TNR: variants seen among roughly 807,000 people sequenced by gnomAD.
TNR encodes tenascin R.
In TNR, 45 loss-of-function variants were observed where a neutral mutation model predicts 150.4. The ratio of observed to expected loss-of-function variants is 0.30; its 90% CI spans 0.24 to 0.38. TNR has a LOEUF of 0.38. Among genes scored for constraint, TNR ranks in the 10% least tolerant of loss-of-function variants. The pLI, the probability that TNR is intolerant of heterozygous loss-of-function variation, is 1.00. For synonymous variants in TNR, 687 were observed against 678.4 expected (o/e 1.01, Z -0.20); for missense variants, 1,544 against 1,759.1 (o/e 0.88, Z 2.19).
chr1:175,720,293 A>T (rs540672942), intron 1 of TNR, among the ~76,000 whole-genome samples: 28 of 152,186 alleles, frequency 1.8e-4, no homozygotes, highest in Non-Finnish European at 3.7e-4. Context: ...GTGAGGATAC[A>T]CTGACAAGTT....
At chr1:175,395,066 A>ATTT (rs1553214123) in intron 5 of TNR, among the ~76,000 whole-genome samples, 25 of 141,948 alleles carry the variant, frequency 1.8e-4, no homozygotes, top group East Asian at 8.4e-4. Context: ...TTTTTTTTTA[A>ATTT]AAAAAGGTCA....
intron 2 of TNR, among the ~76,000 whole-genome samples, chr1:175,462,380 T>C (rs1319935578): frequency 2.6e-5 from 4 of 152,226 alleles, no homozygotes; most frequent in African/African-American, 9.6e-5. Context: ...TTCTTGTGTG[T>C]ACCGAAAACA....
chr1:175,346,611 A>T (rs1302239888), intron 18 of TNR, among the ~76,000 whole-genome samples: 1 of 152,186 alleles, frequency 6.6e-6, no homozygotes, highest in African/African-American at 2.4e-5. Context: ...TGCAGTAGAG[A>T]TAATAAAACA....
intron 1 of TNR, among the ~76,000 whole-genome samples, chr1:175,690,728 C>T (rs1666336180): frequency 6.6e-6 from 1 of 152,156 alleles, no homozygotes; most frequent in African/African-American, 2.4e-5. Flanking sequence ...TTTAATGTTC[C>T]CTCTGGCTTT....
intron 1 of TNR, among the ~76,000 whole-genome samples, chr1:175,673,649 C>T (rs749335125): frequency 1.3e-5 from 2 of 152,222 alleles, no homozygotes; most frequent in African/African-American, 2.4e-5. Flanking sequence ...TTGCTTCCTG[C>T]CCCTCAGGGC....
intron 1 of TNR, among the ~76,000 whole-genome samples, chr1:175,682,389 C>A (rs1244528584): frequency 6.6e-6 from 1 of 152,148 alleles, no homozygotes; most frequent in Non-Finnish European, 1.5e-5. Flanking sequence ...CTCAGAGAGG[C>A]GAGTACCTTT....
At chr1:175,366,599 T>C (rs971709946) in intron 10 of TNR, among the ~76,000 whole-genome samples, 2 of 152,192 alleles carry the variant, frequency 1.3e-5, no homozygotes, top group African/African-American at 4.8e-5. Flanking sequence ...CCTGGAGACT[T>C]TTGTCCATGT....
chr1:175,332,596 T>G (rs1381994288), intron 20 of TNR, among the ~76,000 whole-genome samples: 1 of 152,186 alleles, frequency 6.6e-6, no homozygotes, highest in Non-Finnish European at 1.5e-5. Context: ...TAAAGACTTC[T>G]CTTTCTGATT....
At chr1:175,651,749 C>T (rs1222986016) in intron 1 of TNR, among the ~76,000 whole-genome samples, 1 of 151,748 alleles carries the variant, frequency 6.6e-6, no homozygotes, top group African/African-American at 2.4e-5. Context: ...CCTAAAACTG[C>T]GTAAGGACAG....
At chr1:175,609,748 A>G (rs937356574) in intron 1 of TNR, among the ~76,000 whole-genome samples, 3 of 152,230 alleles carry the variant, frequency 2.0e-5, no homozygotes, top group African/African-American at 7.2e-5. Context: ...ATTGTCATAC[A>G]ACCAGAGCAC....
intron 1 of TNR, among the ~76,000 whole-genome samples, chr1:175,730,269 A>T (rs980796959): frequency 6.6e-6 from 1 of 152,138 alleles, no homozygotes; most frequent in Non-Finnish European, 1.5e-5. Flanking sequence ...AGCCCTACGC[A>T]CACTTAACCT....
chr1:175,341,433 T>G (rs1318693194), intron 18 of TNR, among the ~76,000 whole-genome samples: 3 of 152,176 alleles, frequency 2.0e-5, no homozygotes, highest in Non-Finnish European at 2.9e-5. Context: ...TGTCTCATAG[T>G]TAAGTGTTTC....
rs140008170 is a variant in TNR, at chr1:175,350,424, C to T, written c.3382+3967G>A. On this transcript the variant is annotated intron_variant, in intron 18 of 22. Transcript: ENST00000367674. Reference sequence around the variant, plus strand: ...CTCTCAGACAATCATTTCACCAAGTCCTGGCTGCTCTGTGGGGAATATTTG... The same window carrying T: ...CTCTCAGACAATCATTTCACCAAGTTCTGGCTGCTCTGTGGGGAATATTTG... Among the ~76,000 whole-genome samples, 1,005 of 152,316 alleles carry T rather than the reference C, an allele frequency of 6.6e-3. 5 individuals carry two copies. Among genetic ancestry groups the T allele is most frequent in the Non-Finnish European group, 0.01 (687 of 68,022 alleles).
At chr1:175,406,816 C>G in intron 2 of TNR, 39 bp from the exon 3 acceptor site, 1 of 1,480,004 alleles carries the variant, frequency 6.8e-7, no homozygotes, top group Non-Finnish European at 9.1e-7. Context: ...CCTCTGAGAC[C>G]TATGCCTTGG....
intron 1 of TNR, among the ~76,000 whole-genome samples, chr1:175,657,420 G>C (rs1571721727): frequency 6.6e-6 from 1 of 152,084 alleles, no homozygotes; most frequent in African/African-American, 2.4e-5. Flanking sequence ...CCATTACTGG[G>C]TATATACCCA....
chr1:175,694,844 C>A (rs935244460), intron 1 of TNR, among the ~76,000 whole-genome samples: 1 of 152,186 alleles, frequency 6.6e-6, no homozygotes, highest in Non-Finnish European at 1.5e-5. Flanking sequence ...AAGAAACCAA[C>A]CCTGCTGACA....
rs200819640 is a variant in TNR, at chr1:175,396,669, C to A, written c.1115G>T (p.Arg372Leu). Reference sequence around the variant, plus strand: ...GACACCACTCCAATCTCCAGGCACCCGCTGCTGGAGCTGGAGGCCCCCCAG... The same window carrying A: ...GACACCACTCCAATCTCCAGGCACCAGCTGCTGGAGCTGGAGGCCCCCCAG... ...TALGGLQLQQ[R>L]VPGDWSGVTI... Residue 372 changes from arginine (R) to leucine (L), a missense_variant, in exon 5 of 23, where the codon CGG becomes CTG. By Grantham distance (102) the Arg-to-Leu change is moderately radical (BLOSUM62 -2). Transcript: ENST00000367674. 6.2e-7 allele frequency: 1 copy of A among 1,614,218 alleles called. No individual in the cohort carries two copies. The highest frequency in any genetic ancestry group is 1.7e-5 in the Admixed American group (1 of 60,024).
intron 9 of TNR, among the ~76,000 whole-genome samples, chr1:175,373,111 G>A (rs1049766915): frequency 6.6e-6 from 1 of 152,170 alleles, no homozygotes; most frequent in African/African-American, 2.4e-5. Flanking sequence ...AGCGGTGGTG[G>A]TGGGGAGTGT....
chr1:175,646,752 T>A lies in TNR; in HGVS notation c.-165+96474A>T, dbSNP rs556267723. ...TGGACTAGTCCCTGCTCCTTAGTCA[T>A]GACAGGCAGGGTTTCTCCATTCTGC... On this transcript the variant is annotated intron_variant, in intron 1 of 22. Coordinates refer to ENST00000367674, the MANE Select transcript of TNR (RefSeq NM_003285.3). Among the ~76,000 whole-genome samples, 59 of 152,344 alleles carry A rather than the reference T, an allele frequency of 3.9e-4. No individual in the cohort carries two copies. In the South Asian group the frequency reaches 0.012, roughly 32 times the overall value.
Sources: gnomAD v4.1 joint callset for allele counts (sites outside exome capture counted in the v4.1 genomes callset) on GRCh38, gnomAD v4.1.1 for gene constraint, MANE v1.5 for transcripts, NCBI Gene and HGNC (gene_info 2026-07-23, HGNC 2026-07-21) for gene names.